PVT1: variants seen among roughly 807,000 people sequenced by gnomAD.
PVT1 encodes the protein CXCR4/PVT1 fusion.
chr8:127,877,803 G>A (rs61495010), intron 2 of PVT1, among the ~76,000 whole-genome samples: 1,740 of 152,052 alleles, frequency 0.011, 38 homozygotes, highest in African/African-American at 0.039. Context: ...GCTCGCACCC[G>A]TAGTCCCAGC....
intron 4 of PVT1, among the ~76,000 whole-genome samples, chr8:128,062,008 A>C (rs1563678210): frequency 6.6e-6 from 1 of 152,266 alleles, no homozygotes. Flanking sequence ...CCATGGACAC[A>C]GGGCCAGTGC....
chr8:127,887,306 A>G (rs779096852), intron 2 of PVT1, among the ~76,000 whole-genome samples: 2 of 152,150 alleles, frequency 1.3e-5, no homozygotes, highest in Non-Finnish European at 2.9e-5. Flanking sequence ...AAAAGCAGGA[A>G]CTCACTGGCT....
chr8:127,864,165 G>A (rs753058512), intron 2 of PVT1, among the ~76,000 whole-genome samples: 2 of 152,178 alleles, frequency 1.3e-5, no homozygotes, highest in Non-Finnish European at 2.9e-5. Context: ...TGCAGTGGGG[G>A]TGGGGCAGGA....
At chr8:128,027,088 T>C (rs1169759408) in intron 4 of PVT1, among the ~76,000 whole-genome samples, 1 of 148,428 alleles carries the variant, frequency 6.7e-6, no homozygotes, top group Non-Finnish European at 1.5e-5. Flanking sequence ...TCTCCCTCTG[T>C]TCTTACATAA....
chr8:127,835,908 C>T (rs1814904130), intron 2 of PVT1, among the ~76,000 whole-genome samples: 1 of 152,106 alleles, frequency 6.6e-6, no homozygotes, highest in African/African-American at 2.4e-5. Flanking sequence ...ATCAAGTGGT[C>T]CCTCCCTCTG....
intron 2 of PVT1, among the ~76,000 whole-genome samples, chr8:127,841,914 C>T (rs1032617987): frequency 4.0e-5 from 6 of 151,682 alleles, no homozygotes; most frequent in African/African-American, 7.3e-5. Context: ...TTAGTAGAGA[C>T]GGGGTTTCAC....
intron 4 of PVT1, among the ~76,000 whole-genome samples, chr8:128,069,444 A>G (rs1185832661): frequency 6.6e-6 from 1 of 152,240 alleles, no homozygotes; most frequent in Non-Finnish European, 1.5e-5. Flanking sequence ...GCATGGGCAC[A>G]GCGCACACTG....
intron 3 of PVT1, among the ~76,000 whole-genome samples, chr8:127,934,534 A>G (rs1816248363): frequency 6.6e-6 from 1 of 152,232 alleles, no homozygotes; most frequent in Non-Finnish European, 1.5e-5. Flanking sequence ...AGAGTTGGCC[A>G]GCCTTTGTTT....
At chr8:127,865,110 C>T (rs1158135350) in intron 2 of PVT1, among the ~76,000 whole-genome samples, 1 of 152,176 alleles carries the variant, frequency 6.6e-6, no homozygotes, top group Non-Finnish European at 1.5e-5. Context: ...TCTCTTGCCA[C>T]TATTTCTTCA....
chr8:128,097,553 G>C (rs1386656550), intron 6 of PVT1, among the ~76,000 whole-genome samples: 1 of 152,146 alleles, frequency 6.6e-6, no homozygotes, highest in Non-Finnish European at 1.5e-5. Context: ...CAGAAAAAGT[G>C]TGCCAGTCGC....
At chr8:127,933,933 A>T (rs1816242423) in intron 3 of PVT1, among the ~76,000 whole-genome samples, 1 of 152,244 alleles carries the variant, frequency 6.6e-6, no homozygotes, top group African/African-American at 2.4e-5. Flanking sequence ...TGAGATGGGC[A>T]TTTGAAGCCT....
chr8:128,020,080 G>A (rs1383530662), intron 4 of PVT1, among the ~76,000 whole-genome samples: 1 of 152,046 alleles, frequency 6.6e-6, no homozygotes, highest in Non-Finnish European at 1.5e-5. Context: ...TCTCCATGAT[G>A]TTTAGAACCC....
intron 2 of PVT1, among the ~76,000 whole-genome samples, chr8:127,807,959 G>A (rs1482717202): frequency 6.6e-6 from 1 of 151,952 alleles, no homozygotes; most frequent in Non-Finnish European, 1.5e-5. Context: ...TAGTAGAGAC[G>A]GGGTTTCACT....
At chr8:127,952,800 T>C (rs970269343) in intron 3 of PVT1, among the ~76,000 whole-genome samples, 9 of 151,362 alleles carry the variant, frequency 5.9e-5, no homozygotes, top group African/African-American at 2.2e-4. Context: ...AGTCTCGCTC[T>C]GTGGCCCAGG....
Position 127,978,694 on chromosome 8 carries a change from C to T in PVT1, n.783-10468C>T, listed in dbSNP as rs187973845. ...AGAGATGAGGTTTCACCATATTGTCCAGGCTGGTCTAGAACTCGTGAAAAC... is the reference window on the plus strand; with the variant it reads ...AGAGATGAGGTTTCACCATATTGTCTAGGCTGGTCTAGAACTCGTGAAAAC... On this transcript the variant is annotated intron_variant and non_coding_transcript_variant, in intron 3 of 10. Coordinates refer to ENST00000651587, the Ensembl canonical transcript of PVT1. 1.2e-4 allele frequency among the ~76,000 whole-genome samples: 19 copies of T among 152,214 alleles called. No individual in the cohort carries two copies. In the East Asian group the frequency reaches 3.5e-3, roughly 28 times the overall value.
chr8:127,811,449 C>T (rs761273237), intron 2 of PVT1, among the ~76,000 whole-genome samples: 132 of 152,152 alleles, frequency 8.7e-4, no homozygotes, highest in Non-Finnish European at 1.3e-3. Context: ...TTTCCATTCC[C>T]CCTGGGCCTA....
At chr8:128,004,487 A>G (rs1181702305) in intron 4 of PVT1, among the ~76,000 whole-genome samples, 1 of 152,098 alleles carries the variant, frequency 6.6e-6, no homozygotes, top group Non-Finnish European at 1.5e-5. Context: ...TCCTGAGCCC[A>G]CCCATTACTG....
At chr8:127,956,134 G>T (rs1291785018) in intron 3 of PVT1, among the ~76,000 whole-genome samples, 1 of 152,206 alleles carries the variant, frequency 6.6e-6, no homozygotes, top group Non-Finnish European at 1.5e-5. Flanking sequence ...TGTGAGAAGG[G>T]CATCTGGGAC....
At chr8:128,060,112 T>C (rs1315328487) in intron 4 of PVT1, among the ~76,000 whole-genome samples, 1 of 152,044 alleles carries the variant, frequency 6.6e-6, no homozygotes, top group Non-Finnish European at 1.5e-5. Flanking sequence ...AAAAATTAGC[T>C]GGGTGTGGCA....
Sources: allele counts gnomAD v4.1 joint callset (sites outside exome capture counted in the v4.1 genomes callset), GRCh38; gene constraint gnomAD v4.1.1; transcripts MANE v1.5; gene names NCBI Gene and HGNC (gene_info 2026-07-23, HGNC 2026-07-21).